The following CLK1 variants were observed in gnomAD, a reference collection of about 807,000 sequenced individuals.
The protein encoded by CLK1 is CDC like kinase 1.
A neutral mutation model predicts 60.9 loss-of-function variants in CLK1; 40 were observed. The observed-to-expected ratio is 0.66, with a 90% CI of 0.51 to 0.86. CLK1 has a LOEUF of 0.86. Ranked by LOEUF, CLK1 falls within the 40% of genes least tolerant of loss-of-function variation. CLK1 has a pLI of 0.00. For synonymous variants in CLK1, 203 were observed against 184.4 expected, an observed-to-expected ratio of 1.10 and a Z score of -0.82; for missense variants, 563 against 606.1, an observed-to-expected ratio of 0.93 and a Z score of 0.75.
intron 1 of CLK1, chr2:200,864,153 A>G (rs2039189123): frequency 6.4e-7 from 1 of 1,551,172 alleles, no homozygotes; most frequent in South Asian, 1.2e-5. Flanking sequence ...CTGGAACCCC[A>G]GCAAATCCCC....
At chr2:200,860,074 T>C (rs757480366) in intron 4 of CLK1, 51 bp downstream of exon 4, 5 of 1,599,568 alleles carry the variant, frequency 3.1e-6, no homozygotes, top group East Asian at 2.2e-5. Flanking sequence ...TTAATCTATA[T>C]ATAGATTATG....
intron 7 of CLK1, 91 bp downstream of exon 7, chr2:200,857,627 T>G: frequency 9.2e-7 from 1 of 1,088,292 alleles, no homozygotes; most frequent in East Asian, 2.6e-5. Context: ...TTATTTTTAA[T>G]CAAATAAAAA....
At chr2:200,859,638 T>C in intron 5 of CLK1, 42 bp downstream of exon 5, 3 of 1,533,296 alleles carry the variant, frequency 2.0e-6, no homozygotes, top group Non-Finnish European at 2.7e-6. Context: ...ATTACCTGTA[T>C]TGCCAACTTC....
At position 200,854,011 on chromosome 2, in the gene CLK1, TC is replaced by T. The variant is rs1440354193; in HGVS notation, c.1221-19del. 6.4e-7 allele frequency: 1 copy of T among 1,560,266 alleles called. No individual in the cohort carries two copies. Among genetic ancestry groups the T allele is most frequent in the Admixed American group, 1.7e-5 (1 of 58,694 alleles). On this transcript the variant is annotated intron_variant, in intron 11 of 12. Coordinates refer to ENST00000321356, the MANE Select transcript of CLK1 (RefSeq NM_004071.4). ...TACGTTTCCTAAAAATAAGTCAATATCCATTCATGTTTATAACACTGAAAAC... is the reference window on the plus strand; with the variant it reads ...TACGTTTCCTAAAAATAAGTCAATATCATTCATGTTTATAACACTGAAAAC...
Position 200,853,201 on chromosome 2 carries a change from T to G in CLK1, c.*105A>C. The G allele has an allele frequency of 2.3e-6, 2 of 857,534 alleles. No homozygotes were observed. The highest frequency in any genetic ancestry group is 3.4e-6 in the Non-Finnish European group (2 of 585,588). 53.1% of individuals were successfully genotyped at this position (857,534 alleles called of 1,614,324 possible). On this transcript the variant is annotated 3_prime_UTR_variant, in exon 13 of 13. Transcript: ENST00000321356. ...CCCAAACAAAATAAACATGGCAATATAAAAATGTTAAGAATTTACAAAGCT... is the reference window on the plus strand; with the variant it reads ...CCCAAACAAAATAAACATGGCAATAGAAAAATGTTAAGAATTTACAAAGCT...
intron 10 of CLK1, 51 bp downstream of exon 10, chr2:200,854,953 C>G: frequency 7.3e-7 from 1 of 1,377,362 alleles, no homozygotes; most frequent in Non-Finnish European, 1.0e-6. Context: ...TTCATATAAA[C>G]AGGCACCTTT....
At chr2:200,862,101 C>CA (rs145681104) in intron 1 of CLK1, among the ~76,000 whole-genome samples, 36,114 of 128,278 alleles carry the variant, frequency 0.28, 4,439 homozygotes, top group East Asian at 0.34. Flanking sequence ...TGGAAGAATG[C>CA]AAAAAAAAAA....
intron 1 of CLK1, among the ~76,000 whole-genome samples, chr2:200,862,834 G>A (rs975798022): frequency 6.6e-6 from 1 of 152,176 alleles, no homozygotes; most frequent in Admixed American, 6.5e-5. Context: ...GAGCATTTCC[G>A]TAAACGGACA....
intron 1 of CLK1, 75 bp downstream of exon 1, chr2:200,864,489 A>AG (rs34085624): frequency 2.3e-6 from 1 of 443,916 alleles, no homozygotes; most frequent in South Asian, 3.5e-5. Flanking sequence ...AAGCAGGAAA[A>AG]GGGGGCATCG....
Position 200,853,088 on chromosome 2 carries a change from G to A in CLK1, c.*218C>T. 1 of 386,100 alleles carries A rather than the reference G, an allele frequency of 2.6e-6. No homozygotes were observed. Among genetic ancestry groups the A allele is most frequent in the Non-Finnish European group, 4.6e-6 (1 of 218,292 alleles). The allele number at this position is 386,100 out of a possible 1,614,324, so 23.9% of individuals were successfully genotyped here. A position where few individuals can be genotyped will look rare whatever the true frequency, so the allele number is the denominator to read the frequency against. ...GTTCAGATACATATCAACTTCATAAGCACAAAAAATTTATTCTGAATAAAT... is the reference window on the plus strand; with the variant it reads ...GTTCAGATACATATCAACTTCATAAACACAAAAAATTTATTCTGAATAAAT... On this transcript the variant is annotated 3_prime_UTR_variant, in exon 13 of 13. Coordinates refer to ENST00000321356, the MANE Select transcript of CLK1 (RefSeq NM_004071.4).
chr2:200,864,358 C>G (rs2039195108), intron 1 of CLK1: 2 of 1,236,724 alleles, frequency 1.6e-6, no homozygotes, highest in Admixed American at 6.8e-5. Context: ...TAACTACCCC[C>G]GCAGGCCGGA....
In CLK1 at chr2:200,854,563, TCAG is replaced by T. The variant is rs367719289; in HGVS notation, c.1220+50_1220+52del. ...AAAAAAAAAAAAAATTAAGTTCTAA[TCAG>T]CAGATGTGATCAAATGATACTAAGG... On this transcript the variant is annotated intron_variant, in intron 11 of 12. Coordinates refer to ENST00000321356, the MANE Select transcript of CLK1 (RefSeq NM_004071.4). The T allele has an allele frequency of 3.8e-4, 403 of 1,056,580 alleles. No individual in the cohort carries two copies. The African/African-American group carries it at 5.2e-3, about 14-fold the overall frequency. 65.5% of individuals were successfully genotyped at this position (1,056,580 alleles called of 1,614,324 possible). A position where few individuals can be genotyped will look rare whatever the true frequency, so the allele number is the denominator to read the frequency against.
In CLK1 at chr2:200,861,825, T is replaced by C. The variant is rs2039143739; in HGVS notation, c.38A>G (p.Asp13Gly). The C allele has an allele frequency of 1.2e-6, 2 of 1,614,104 alleles. No individual in the cohort carries two copies. The highest frequency in any genetic ancestry group is 1.7e-6 in the Non-Finnish European group (2 of 1,180,004). ...HSKRTYCPDWDDKDWDYGKWR... is the reference protein window; with the variant it reads ...HSKRTYCPDWGDKDWDYGKWR... ...TTTTCCATAATCCCAATCCTTGTCA[T>C]CCCAATCAGGACAGTAAGTTCTCTT... The change falls in exon 2 of 13, where the codon GAT (aspartate) becomes GGT (glycine). Residue 13 changes from aspartate (D) to glycine (G), a missense_variant. This residue lies in a region of CLK1 where 198 missense variants were observed against 179.2 expected (regional missense o/e 1.10). Transcript: ENST00000321356.
chr2:200,864,361 AGGCC>A lies in CLK1; in HGVS notation c.-1+199_-1+202del, dbSNP rs1243721699. 6 of 1,223,866 alleles carry A rather than the reference AGGCC, an allele frequency of 4.9e-6. No homozygotes were observed. In the East Asian group the frequency reaches 1.2e-4, roughly 24 times the overall value. 75.8% of individuals were successfully genotyped at this position (1,223,866 alleles called of 1,614,324 possible). On this transcript the variant is annotated intron_variant, in intron 1 of 12. Transcript: ENST00000321356. ...TAGCAAACACCGTAACTACCCCCGC[AGGCC>A]GGATCCGGCGGCGACAGGCTCGGCC...
chr2:200,860,398 GT>G, intron 3 of CLK1, 183 bp from the exon 4 acceptor site: 1 of 1,339,408 alleles, frequency 7.5e-7, no homozygotes, highest in Non-Finnish European at 9.6e-7. Context: ...AGGGCACATA[GT>G]TTATGTTAAC....
chr2:200,864,399 AAG>A (rs2039195916), intron 1 of CLK1, 163 bp downstream of exon 1: 2 of 849,318 alleles, frequency 2.4e-6, no homozygotes, highest in Admixed American at 3.4e-5. Flanking sequence ...CCGCGCAGGA[AAG>A]AGGGGCGCGC....
rs2039125936 is a variant in CLK1 at position 200,860,849 on chromosome 2, A to G, written c.390+389T>C. On this transcript the variant is annotated intron_variant, in intron 3 of 12. Coordinates refer to ENST00000321356, the MANE Select transcript of CLK1 (RefSeq NM_004071.4). Reference sequence around the variant, plus strand: ...ATGACTTGTTAGAACAAAGAAGCATACCTAATCCTAAATTATACAAAAATA... The same window carrying G: ...ATGACTTGTTAGAACAAAGAAGCATGCCTAATCCTAAATTATACAAAAATA... The G allele has an allele frequency of 7.6e-6, 8 of 1,053,598 alleles. No homozygotes were observed. In the Admixed American group the frequency reaches 2.0e-4, roughly 27 times the overall value. 65.3% of individuals were successfully genotyped at this position (1,053,598 alleles called of 1,614,324 possible).
At chr2:200,859,597 C>A in intron 5 of CLK1, 83 bp downstream of exon 5, 1 of 1,089,016 alleles carries the variant, frequency 9.2e-7, no homozygotes, top group South Asian at 1.4e-5. Context: ...GTATCTAACT[C>A]ATGGTCAGAC....
At chr2:200,853,866 C>A (rs757308974) in intron 12 of CLK1, 37 bp downstream of exon 12, 3 of 1,480,766 alleles carry the variant, frequency 2.0e-6, no homozygotes, top group South Asian at 1.2e-5. Flanking sequence ...AGAAGAAACT[C>A]AGTTTTGACT....
Sources: gnomAD v4.1 joint callset for allele counts (sites outside exome capture counted in the v4.1 genomes callset) on GRCh38, gnomAD v4.1.1 for gene constraint, gnomAD v4.1.1 regional missense constraint, MANE v1.5 for transcripts, NCBI Gene and HGNC (gene_info 2026-07-23, HGNC 2026-07-21) for gene names.